Variants in PRRC2C observed in about 807,000 individuals in gnomAD.
The protein encoded by PRRC2C is proline rich coiled-coil 2C, also known as protein PRRC2C.
In PRRC2C, 72 loss-of-function variants were observed where a neutral mutation model predicts 317.2. The observed-to-expected ratio is 0.23, with a 90% CI of 0.19 to 0.28. The LOEUF (loss-of-function observed/expected upper bound fraction) is 0.28, where lower values mean the gene tolerates loss of function less well. PRRC2C is among the 10% of genes least tolerant of loss of function. The pLI is 1.00. For synonymous variants in PRRC2C, 1,296 were observed against 1,205.9 expected (o/e 1.07, Z -1.55); for missense variants, 3,074 against 3,459.7 (o/e 0.89, Z 2.80).
At chr1:171,535,373 T>C (rs1283149911) in intron 12 of PRRC2C, 55 bp from the exon 13 acceptor site, 1 of 1,479,562 alleles carries the variant, frequency 6.8e-7, no homozygotes, top group East Asian at 2.3e-5. Context: ...AAAAATCCTG[T>C]GTTTGATAAG....
chr1:171,577,425 C>G lies in PRRC2C; in HGVS notation c.6956-9C>G. The G allele has an allele frequency of 6.3e-7, 1 of 1,589,200 alleles. No homozygotes were observed. Among genetic ancestry groups the G allele is most frequent in the Non-Finnish European group, 8.6e-7 (1 of 1,159,512 alleles). On this transcript the variant is annotated splice_polypyrimidine_tract_variant and intron_variant, in intron 25 of 34. Coordinates refer to ENST00000647382, the MANE Select transcript of PRRC2C (RefSeq NM_001387844.1). Reference sequence around the variant, plus strand: ...CTATTTTCCCCTTTATTTGCTTCCCCAAATATAGGAGCTGGTACATACACT... The same window carrying G: ...CTATTTTCCCCTTTATTTGCTTCCCGAAATATAGGAGCTGGTACATACACT...
chr1:171,591,886 G>GCCCGCGCCGCCCCCCCCCC lies in PRRC2C; in HGVS notation c.*39_*40insCCCGCGCCGCCCCCCCCCC. The GCCCGCGCCGCCCCCCCCCC allele has an allele frequency of 2.1e-6, 1 of 475,636 alleles. No individual in the cohort carries two copies. The highest frequency in any genetic ancestry group is 3.7e-6 in the Non-Finnish European group (1 of 266,840). 29.5% of individuals were successfully genotyped at this position (475,636 alleles called of 1,614,324 possible). On this transcript the variant is annotated 3_prime_UTR_variant, in exon 35 of 35. Transcript: ENST00000647382. The stretch of plus-strand genomic sequence containing the variant: ...TTGCAGGGGATTGGGAGGGGGGCGG[G>GCCCGCGCCGCCCCCCCCCC]AAAACATGGAGAATTAAGTCAGATA...
intron 17 of PRRC2C, 21 bp downstream of exon 17, chr1:171,545,708 A>C (rs764212333): frequency 3.8e-5 from 34 of 891,386 alleles, no homozygotes; most frequent in Admixed American, 3.1e-4. Flanking sequence ...GGTTTCTTTC[A>C]TTTTATTTAT....
chr1:171,529,942 C>T (rs1244463100), intron 11 of PRRC2C, among the ~76,000 whole-genome samples: 2 of 152,190 alleles, frequency 1.3e-5, no homozygotes, highest in African/African-American at 4.8e-5. Context: ...GATAGCTGTA[C>T]ATATCACAAC....
chr1:171,573,550 C>G (rs983250502), intron 24 of PRRC2C, among the ~76,000 whole-genome samples: 1 of 150,182 alleles, frequency 6.7e-6, no homozygotes, highest in Non-Finnish European at 1.5e-5. Context: ...AGATTTTTCT[C>G]AAATATAAAA....
chr1:171,541,195 A>C lies in PRRC2C; in HGVS notation c.3729A>C (p.Glu1243Asp). 1 of 1,612,960 alleles carries C rather than the reference A, an allele frequency of 6.2e-7. No individual in the cohort carries two copies. The change falls in exon 16 of 35, where the codon GAA becomes GAC. Residue 1243 changes from glutamate (E) to aspartate (D), a missense_variant. Transcript: ENST00000647382. The surrounding 1 kb of genome is among the most constrained non-coding windows in gnomAD (Gnocchi z 4.1). ...CAGGGCCTCTCAGACAGCGAGAAGA[A>C]AGTGAAACACGGAGTGAGAGCTCTG... ...IPSGPLRQRE[E>D]SETRSESSDF...
chr1:171,556,150 C>G (rs1168451571), intron 18 of PRRC2C, among the ~76,000 whole-genome samples: 1 of 152,232 alleles, frequency 6.6e-6, no homozygotes, highest in Non-Finnish European at 1.5e-5. Flanking sequence ...ACTCCCCCAG[C>G]CAGGCTGCCA....
Position 171,589,531 on chromosome 1 carries a change from G to T in PRRC2C, c.8362G>T (p.Gly2788Cys), listed in dbSNP as rs1448789913. 20 of 1,289,512 alleles carry T rather than the reference G, an allele frequency of 1.6e-5. No individual in the cohort carries two copies. Among genetic ancestry groups the T allele is most frequent in the Non-Finnish European group, 2.0e-5 (20 of 988,848 alleles). The allele number at this position is 1,289,512 out of a possible 1,614,324, so 79.9% of individuals were successfully genotyped here. A position where few individuals can be genotyped will look rare whatever the true frequency, so the allele number is the denominator to read the frequency against. Residue 2788 changes from glycine (G) to cysteine (C), a missense_variant, in exon 34 of 35, where the codon GGT becomes TGT. By Grantham distance (159) the Gly-to-Cys change is radical (BLOSUM62 -3). Coordinates refer to ENST00000647382, the MANE Select transcript of PRRC2C (RefSeq NM_001387844.1). ...SHARLPHVARGPCGSLSGVRG... is the reference protein window; with the variant it reads ...SHARLPHVARCPCGSLSGVRG... ...TGCTCGTTTGCCACATGTAGCCAGG[G>T]GTCCTTGTGGATCACTATCTGGAGT...
In PRRC2C at chr1:171,578,800, C is replaced by T. The variant is rs145528845; in HGVS notation, c.7160-554C>T. On this transcript the variant is annotated intron_variant, in intron 26 of 34. Transcript: ENST00000647382. ...GCTTGAACCCGGGAGGTGGAGGTTG[C>T]AGTGAGCTGGGATCAATCGTGCCAC... is the stretch of plus-strand genomic sequence containing the variant. 3.1e-3 allele frequency among the ~76,000 whole-genome samples: 466 copies of T among 151,716 alleles called. 1 individual carries two copies. The highest frequency in any genetic ancestry group is 0.011 in the African/African-American group (445 of 41,320).
chr1:171,514,458 C>A, intron 3 of PRRC2C, 78 bp from the exon 4 acceptor site: 1 of 1,134,134 alleles, frequency 8.8e-7, no homozygotes, highest in African/African-American at 1.6e-5. Context: ...AATTTGTACA[C>A]AGGTTTACCT....
intron 20 of PRRC2C, among the ~76,000 whole-genome samples, chr1:171,565,478 C>T (rs2056940): frequency 0.63 from 95,823 of 152,046 alleles, 30,320 homozygotes; most frequent in East Asian, 0.81. Flanking sequence ...AGACAGGTCT[C>T]GCTTTGTCAC....
chr1:171,545,635 A>G lies in PRRC2C; in HGVS notation c.4920A>G (p.Lys1640=). Residue 1640 remains lysine, a synonymous_variant, in exon 17 of 35, where the codon AAA becomes AAG. Transcript: ENST00000647382. ...KREDPKPGPK[K]PKEKVDALSQ... The stretch of plus-strand genomic sequence containing the variant: ...AAGACCCCAAACCAGGCCCTAAAAA[A>G]CCAAAAGAGAAAGTGGATGCTCTAT... The G allele has an allele frequency of 6.2e-7, 1 of 1,613,310 alleles. No individual in the cohort carries two copies. Among genetic ancestry groups the G allele is most frequent in the Non-Finnish European group, 8.5e-7 (1 of 1,179,586 alleles).
At chr1:171,498,626 C>T (rs1315528084) in intron 1 of PRRC2C, among the ~76,000 whole-genome samples, 2 of 152,184 alleles carry the variant, frequency 1.3e-5, no homozygotes, top group African/African-American at 4.8e-5. Flanking sequence ...TCTTCATCCA[C>T]CTTGCTTTTC....
chr1:171,579,329 G>A, intron 26 of PRRC2C, 25 bp from the exon 27 acceptor site: 3 of 1,594,628 alleles, frequency 1.9e-6, no homozygotes, highest in Non-Finnish European at 2.6e-6. Context: ...ACTTACTACT[G>A]CTTGTTTATC....
chr1:171,550,140 C>A lies in PRRC2C; in HGVS notation c.5027C>A (p.Ser1676Ter). The A allele has an allele frequency of 6.2e-7, 1 of 1,608,130 alleles. No individual in the cohort carries two copies. Among genetic ancestry groups the A allele is most frequent in the South Asian group, 1.1e-5 (1 of 89,838 alleles). Residue 1676 changes from serine to a stop codon, truncating the protein, a stop_gained, in exon 18 of 35, where the codon TCA becomes TAA. Transcript: ENST00000647382. LOFTEE classifies it high-confidence loss of function. ...PEVTVIEDPQ[S>*]NLNDDGFTEV... ...GTAACAGTAATTGAAGATCCCCAGT[C>A]AAATTTGAATGATGATGGTTTTACT...
chr1:171,495,076 C>T (rs1213035838), intron 1 of PRRC2C, among the ~76,000 whole-genome samples: 1 of 152,122 alleles, frequency 6.6e-6, no homozygotes, highest in African/African-American at 2.4e-5. Context: ...TGCATTCAGT[C>T]GTTTGTTAAT....
intron 16 of PRRC2C, among the ~76,000 whole-genome samples, chr1:171,543,565 T>G (rs368752766): frequency 2.0e-5 from 3 of 152,320 alleles, no homozygotes. Flanking sequence ...TAGTAAGTAA[T>G]CATTATTATG....
intron 1 of PRRC2C, among the ~76,000 whole-genome samples, chr1:171,486,328 G>A (rs1666093983): frequency 6.6e-6 from 1 of 151,926 alleles, no homozygotes; most frequent in Admixed American, 6.6e-5. Flanking sequence ...GCCCAACTCC[G>A]GAGGAGGATT....
At position 171,545,599 on chromosome 1, in the gene PRRC2C, G is replaced by A. The variant is rs914586347; in HGVS notation, c.4884G>A (p.Gly1628=). 32 of 1,611,226 alleles carry A rather than the reference G, an allele frequency of 2.0e-5. No individual in the cohort carries two copies. The highest frequency in any genetic ancestry group is 1.6e-4 in the Middle Eastern group (1 of 6,074). Residue 1628 remains glycine (G), a synonymous_variant, in exon 17 of 35, where the codon GGG becomes GGA. Coordinates refer to ENST00000647382, the MANE Select transcript of PRRC2C (RefSeq NM_001387844.1). The stretch of plus-strand genomic sequence containing the variant: ...AAAAGAACTCCAAAGATTCTACTGG[G>A]AAAAAAAGAGAAGACCCCAAACCAG... ...TGQKNSKDST[G]KKREDPKPGP... is the part of the protein sequence containing the mutation.
Sources: allele counts gnomAD v4.1 joint callset (sites outside exome capture counted in the v4.1 genomes callset), GRCh38; gene constraint gnomAD v4.1.1; non-coding constraint Gnocchi (gnomAD v3.1); transcripts MANE v1.5; gene names NCBI Gene and HGNC (gene_info 2026-07-23, HGNC 2026-07-21).